The following PDGFC variants were observed in gnomAD, a reference collection of about 807,000 sequenced individuals.
PDGFC encodes platelet derived growth factor C.
A neutral mutation model predicts 35.5 loss-of-function variants in PDGFC; 12 were observed. The observed-to-expected ratio is 0.34, with a 90% CI of 0.22 to 0.55. PDGFC has a LOEUF of 0.55. PDGFC is among the 20% of genes least tolerant of loss of function. The probability of loss-of-function intolerance (pLI) is 0.91; values close to 1 mark genes in which losing one functional copy is unlikely to be tolerated. For synonymous variants in PDGFC, 159 were observed against 148.8 expected, an observed-to-expected ratio of 1.07 and a Z score of -0.50; for missense variants, 322 against 412.4, an observed-to-expected ratio of 0.78 and a Z score of 1.90.
intron 1 of PDGFC, among the ~76,000 whole-genome samples, chr4:156,952,363 T>C (rs1732104586): frequency 6.6e-6 from 1 of 151,846 alleles, no homozygotes. Context: ...ATTAAACCGC[T>C]GGGGTAAATG....
At position 156,955,799 on chromosome 4, in the gene PDGFC, C is replaced by A. The variant is rs751301573; in HGVS notation, c.118+14987G>T. On this transcript the variant is annotated intron_variant, in intron 1 of 5. Transcript: ENST00000502773. Reference sequence around the variant, plus strand: ...CTAAACATGCTCTTAGTATGTCTGACACAGCCCTCAAAATTAATGAATAAT... The same window carrying A: ...CTAAACATGCTCTTAGTATGTCTGAAACAGCCCTCAAAATTAATGAATAAT... Among the ~76,000 whole-genome samples the A allele has an allele frequency of 1.5e-4, 23 of 152,102 alleles. No individual in the cohort carries two copies. The Middle Eastern group carries it at 0.01, about 67-fold the overall frequency.
At chr4:156,911,729 C>T (rs1292621894) in intron 1 of PDGFC, among the ~76,000 whole-genome samples, 1 of 152,030 alleles carries the variant, frequency 6.6e-6, no homozygotes. Context: ...TTGTTTGATT[C>T]CAGAATTAAT....
intron 3 of PDGFC, among the ~76,000 whole-genome samples, chr4:156,800,465 TTA>T (rs1315844878): frequency 6.6e-6 from 1 of 152,194 alleles, no homozygotes; most frequent in Non-Finnish European, 1.5e-5. Flanking sequence ...ATCATCTGAA[TTA>T]GAGAGATATG....
intron 1 of PDGFC, chr4:156,967,537 C>A (rs1732495094): frequency 6.6e-6 from 1 of 152,142 alleles, no homozygotes; most frequent in African/African-American, 2.4e-5. Flanking sequence ...GATACGCATG[C>A]TCTTAATCTA....
intron 2 of PDGFC, among the ~76,000 whole-genome samples, chr4:156,820,759 T>C (rs1232033165): frequency 6.6e-6 from 1 of 151,952 alleles, no homozygotes; most frequent in Non-Finnish European, 1.5e-5. Flanking sequence ...ACTGAAACAA[T>C]ATAATAAAAT....
intron 2 of PDGFC, among the ~76,000 whole-genome samples, chr4:156,845,794 G>A (rs1160726138): frequency 6.6e-6 from 1 of 151,706 alleles, no homozygotes; most frequent in African/African-American, 2.4e-5. Context: ...CATTTAATAT[G>A]TGTTTACTTA....
intron 1 of PDGFC, among the ~76,000 whole-genome samples, chr4:156,880,927 A>T (rs777218059): frequency 6.6e-6 from 1 of 152,204 alleles, no homozygotes; most frequent in South Asian, 2.1e-4. Context: ...GTGTTCTGTT[A>T]TACTGTTAAA....
At chr4:156,871,200 T>C (rs1217715502) in intron 1 of PDGFC, among the ~76,000 whole-genome samples, 1 of 152,072 alleles carries the variant, frequency 6.6e-6, no homozygotes, top group African/African-American at 2.4e-5. Context: ...TAATGGGAAG[T>C]GCGCAAGAAA....
rs766198819 is a variant in PDGFC, at chr4:156,936,194, G to A, written c.118+34592C>T. ...TTAGTGAAATCAGTATCCACCCAAC[G>A]TCGTAATAGAATGAGTTTCAAAAAG... On this transcript the variant is annotated intron_variant, in intron 1 of 5. Coordinates refer to ENST00000502773, the MANE Select transcript of PDGFC (RefSeq NM_016205.3). Among the ~76,000 whole-genome samples the A allele has an allele frequency of 3.3e-5, 5 of 152,274 alleles. No homozygotes were observed. In the South Asian group the frequency reaches 6.2e-4, roughly 19 times the overall value.
intron 1 of PDGFC, among the ~76,000 whole-genome samples, chr4:156,915,056 CCA>C (rs1338107007): frequency 6.6e-6 from 1 of 152,036 alleles, no homozygotes; most frequent in Non-Finnish European, 1.5e-5. Flanking sequence ...CTCTCCAAAA[CCA>C]CACACACACA....
rs189352361 is a variant in PDGFC, at chr4:156,852,940, A to G, written c.119-2524T>C. ...AGGACCCTGGTCAGCTTGGAAGCAGACTGTTCTCTACAGCCTCCAGAAAGG... is the reference window on the plus strand; with the variant it reads ...AGGACCCTGGTCAGCTTGGAAGCAGGCTGTTCTCTACAGCCTCCAGAAAGG... On this transcript the variant is annotated intron_variant, in intron 1 of 5. Transcript: ENST00000502773. Among the ~76,000 whole-genome samples, 25 of 152,318 alleles carry G rather than the reference A, an allele frequency of 1.6e-4. No individual in the cohort carries two copies. The East Asian group carries it at 4.6e-3, about 28-fold the overall frequency.
At chr4:156,777,029 G>A (rs1285924161) in intron 3 of PDGFC, among the ~76,000 whole-genome samples, 1 of 152,066 alleles carries the variant, frequency 6.6e-6, no homozygotes, top group East Asian at 1.9e-4. Context: ...TCTATAATGG[G>A]ACTGAACTCT....
At chr4:156,821,150 A>G (rs953367285) in intron 2 of PDGFC, among the ~76,000 whole-genome samples, 5 of 151,176 alleles carry the variant, frequency 3.3e-5, no homozygotes, top group Non-Finnish European at 5.9e-5. Flanking sequence ...GAGACATCCC[A>G]AGGAATGTTG....
chr4:156,964,436 AC>A (rs1378912072), intron 1 of PDGFC, among the ~76,000 whole-genome samples: 7 of 148,436 alleles, frequency 4.7e-5, no homozygotes, highest in Non-Finnish European at 8.9e-5. Context: ...ATATAGTGAT[AC>A]TATATATACT....
At chr4:156,785,973 C>T (rs1159445943) in intron 3 of PDGFC, among the ~76,000 whole-genome samples, 2 of 152,146 alleles carry the variant, frequency 1.3e-5, no homozygotes, top group African/African-American at 4.8e-5. Context: ...GTGTACAATG[C>T]TCTGAAATCA....
chr4:156,774,211 T>C (rs1049627709), intron 3 of PDGFC, among the ~76,000 whole-genome samples: 2 of 152,176 alleles, frequency 1.3e-5, no homozygotes, highest in African/African-American at 4.8e-5. Context: ...TCTAATCTGC[T>C]ACTCATCAGA....
intron 2 of PDGFC, among the ~76,000 whole-genome samples, chr4:156,817,873 A>G (rs1275295857): frequency 6.6e-6 from 1 of 151,830 alleles, no homozygotes; most frequent in African/African-American, 2.4e-5. Context: ...AGCCTGGCCT[A>G]CATGGTGAAA....
At chr4:156,836,040 T>C (rs930441381) in intron 2 of PDGFC, 7 of 152,126 alleles carry the variant, frequency 4.6e-5, no homozygotes, top group Non-Finnish European at 8.8e-5. Flanking sequence ...TTAATGAAGG[T>C]ATACAGTATT....
chr4:156,821,169 ATGTGTG>A (rs3067734), intron 2 of PDGFC, among the ~76,000 whole-genome samples: 8,907 of 142,636 alleles, frequency 0.062, 358 homozygotes, highest in Middle Eastern at 0.12. Flanking sequence ...TGCCTGTTGT[ATGTGTG>A]TGTGTGTGTG....
Sources: allele counts gnomAD v4.1 joint callset (sites outside exome capture counted in the v4.1 genomes callset), GRCh38; gene constraint gnomAD v4.1.1; transcripts MANE v1.5; gene names NCBI Gene and HGNC (gene_info 2026-07-23, HGNC 2026-07-21).